The following ADAMTS10 variants were observed in gnomAD, a reference collection of about 807,000 sequenced individuals.
The protein encoded by ADAMTS10 is ADAM metallopeptidase with thrombospondin type 1 motif 10.
In ADAMTS10, 48 loss-of-function variants were observed where a neutral mutation model predicts 135.9. That is an observed-to-expected ratio of 0.35 (90% confidence interval 0.28 to 0.45). The LOEUF is 0.45. Ranked by LOEUF, ADAMTS10 falls within the 20% of genes least tolerant of loss-of-function variation. The pLI, the probability that ADAMTS10 is intolerant of heterozygous loss-of-function variation, is 1.00. For missense variants in ADAMTS10, 1,131 were observed against 1,565.2 expected (o/e 0.72, Z 4.68); for synonymous variants, 621 against 647.5 (o/e 0.96, Z 0.62).
At chr19:8,592,588 C>G (rs1274796268) in intron 13 of ADAMTS10, among the ~76,000 whole-genome samples, 175 bp downstream of exon 13, 3 of 148,956 alleles carry the variant, frequency 2.0e-5, no homozygotes, top group Non-Finnish European at 4.5e-5. Flanking sequence ...TGGGCGTGGC[C>G]AACGCGGGAA....
At chr19:8,586,756 T>C in intron 19 of ADAMTS10, 35 bp from the exon 20 acceptor site, 1 of 1,614,060 alleles carries the variant, frequency 6.2e-7, no homozygotes, top group Non-Finnish European at 8.5e-7. Flanking sequence ...ATTCTAGTCA[T>C]GCTGAAACCG....
At chr19:8,581,478 C>G (rs1168926619) in intron 25 of ADAMTS10, 1 of 153,046 alleles carries the variant, frequency 6.5e-6, no homozygotes, top group Non-Finnish European at 1.5e-5. Context: ...CTGCTTGAGC[C>G]CAGGAGTTTG....
intron 23 of ADAMTS10, 51 bp downstream of exon 23, chr19:8,585,405 G>C (rs1555736739): frequency 6.5e-7 from 1 of 1,537,066 alleles, no homozygotes; most frequent in Admixed American, 2.0e-5. Flanking sequence ...GCGTCTCCGT[G>C]GACACCCCAC....
intron 25 of ADAMTS10, chr19:8,581,495 G>A (rs1252007192): frequency 6.5e-6 from 1 of 152,790 alleles, no homozygotes; most frequent in African/African-American, 2.4e-5. Flanking sequence ...TTTGAGACCA[G>A]CCTGGGCAAC....
intron 25 of ADAMTS10, among the ~76,000 whole-genome samples, chr19:8,584,284 G>A (rs1304573947): frequency 6.6e-6 from 1 of 152,068 alleles, no homozygotes; most frequent in Non-Finnish European, 1.5e-5. Flanking sequence ...GGGACATTGG[G>A]CAATGTCTGG....
rs559032457 is a variant in ADAMTS10, at chr19:8,585,090, C to T, written c.3043-36G>A. ...GCACCACTCAGTTGCTGCCCCGCAG[C>T]CCCTGCCCTGGCCCCCACCCCTCTG... On this transcript the variant is annotated intron_variant, in intron 24 of 25. Coordinates refer to ENST00000597188, the MANE Select transcript of ADAMTS10 (RefSeq NM_030957.4). The T allele has an allele frequency of 9.4e-6, 14 of 1,496,474 alleles. No individual in the cohort carries two copies. In the Admixed American group the frequency reaches 2.4e-4, roughly 25 times the overall value. 92.7% of individuals were successfully genotyped at this position (1,496,474 alleles called of 1,614,324 possible).
intron 4 of ADAMTS10, 148 bp from the exon 5 acceptor site, chr19:8,604,032 T>G (rs2042694298): frequency 2.7e-6 from 2 of 747,338 alleles, no homozygotes; most frequent in Non-Finnish European, 4.0e-6. Flanking sequence ...GTAATTAGTG[T>G]CCATGCTATT....
intron 18 of ADAMTS10, 42 bp from the exon 19 acceptor site, chr19:8,586,938 C>T (rs2042441032): frequency 2.5e-6 from 4 of 1,596,950 alleles, no homozygotes; most frequent in South Asian, 1.1e-5. Flanking sequence ...GGCATGTCCC[C>T]AACACCTGCC....
intron 13 of ADAMTS10, among the ~76,000 whole-genome samples, chr19:8,592,534 A>C (rs926846413): frequency 1.4e-4 from 21 of 147,640 alleles, no homozygotes; most frequent in African/African-American, 4.1e-4. Flanking sequence ...CGCGGGAGGG[A>C]GTTAAACAGT....
chr19:8,598,794 C>T (rs901537483), intron 6 of ADAMTS10, among the ~76,000 whole-genome samples: 8 of 151,832 alleles, frequency 5.3e-5, no homozygotes, highest in Middle Eastern at 3.4e-3. Context: ...AGGCTTGTTT[C>T]GAACTCCCGA....
Position 8,601,362 on chromosome 19 carries a change from CTTTT to C in ADAMTS10, c.593-221_593-218del, listed in dbSNP as rs373213602. ...CAAACACCTCATCGTTTTTCTTATT[CTTTT>C]TTTTTTTTTTTTTGAGACGGAGTAT... is the stretch of plus-strand genomic sequence containing the variant. On this transcript the variant is annotated intron_variant, in intron 5 of 25. Transcript: ENST00000597188. The surrounding 1 kb of genome is among the most constrained non-coding windows in gnomAD (Gnocchi z 4.6). 7.3e-6 allele frequency among the ~76,000 whole-genome samples: 1 copy of C among 136,864 alleles called. No individual in the cohort carries two copies. 89.8% of individuals were successfully genotyped at this position (136,864 alleles called of 152,430 possible). A position where few individuals can be genotyped will look rare whatever the true frequency, so the allele number is the denominator to read the frequency against.
At chr19:8,591,554 G>T (rs2146062819) in intron 15 of ADAMTS10, among the ~76,000 whole-genome samples, 1 of 151,318 alleles carries the variant, frequency 6.6e-6, no homozygotes, top group Non-Finnish European at 1.5e-5. Context: ...CGATTCTCCT[G>T]CCTCAGCCTC....
chr19:8,600,647 C>T (rs542735092), intron 6 of ADAMTS10, among the ~76,000 whole-genome samples: 134 of 151,890 alleles, frequency 8.8e-4, no homozygotes, highest in Middle Eastern at 6.8e-3. Flanking sequence ...TACAGGCGCC[C>T]GCCACCACAC....
At chr19:8,590,824 G>A (rs2042514916) in intron 15 of ADAMTS10, among the ~76,000 whole-genome samples, 1 of 152,162 alleles carries the variant, frequency 6.6e-6, no homozygotes, top group African/African-American at 2.4e-5. Context: ...TCGAACTCCT[G>A]ACCTCAGGTG....
chr19:8,599,723 C>T (rs1364857193), intron 6 of ADAMTS10, among the ~76,000 whole-genome samples: 5 of 152,280 alleles, frequency 3.3e-5, no homozygotes, highest in Non-Finnish European at 7.4e-5. Context: ...GATCCTCCTG[C>T]CTCAGCTTCC....
Position 8,586,865 on chromosome 19 carries a change from G to A in ADAMTS10, c.2190C>T (p.Gly730=). Residue 730 remains glycine (G), a synonymous_variant, in exon 19 of 26, where the codon GGC becomes GGT. Coordinates refer to ENST00000597188, the MANE Select transcript of ADAMTS10 (RefSeq NM_030957.4). ...GATCCTGGATGAAGATGTGGACGGA[G>A]CCTTTGGGAATCCAGACGACATCCT... The part of the protein sequence containing the change: ...GYEDVVWIPK[G]SVHIFIQDLN... The A allele has an allele frequency of 6.2e-7, 1 of 1,614,196 alleles. No individual in the cohort carries two copies. The highest frequency in any genetic ancestry group is 8.5e-7 in the Non-Finnish European group (1 of 1,180,034).
chr19:8,592,327 G>A (rs1568398891), intron 13 of ADAMTS10: 2 of 866,862 alleles, frequency 2.3e-6, no homozygotes, highest in South Asian at 1.7e-5. Context: ...TGCTTAACGG[G>A]GAGGGGTGTA....
In ADAMTS10 at chr19:8,585,666, A is replaced by G. The variant is rs1555736884; in HGVS notation, c.2661-6T>C. Reference sequence around the variant, plus strand: ...ACCAGTTCCCTACAACCCAGCTGTAAGAGATGAAGGGGTCTGAGCAAGTAA... The same window carrying G: ...ACCAGTTCCCTACAACCCAGCTGTAGGAGATGAAGGGGTCTGAGCAAGTAA... On this transcript the variant is annotated splice_polypyrimidine_tract_variant and splice_region_variant and intron_variant, in intron 22 of 25. Coordinates refer to ENST00000597188, the MANE Select transcript of ADAMTS10 (RefSeq NM_030957.4). 1.2e-6 allele frequency: 2 copies of G among 1,612,192 alleles called. No homozygotes were observed. The highest frequency in any genetic ancestry group is 2.2e-5 in the South Asian group (2 of 90,988).
rs191613811 is a variant in ADAMTS10 at position 8,590,139 on chromosome 19, C to T, written c.1798-148G>A. The T allele has an allele frequency of 1.8e-4, 116 of 659,688 alleles. No individual in the cohort carries two copies. In the East Asian group the frequency reaches 2.8e-3, roughly 16 times the overall value. The allele number at this position is 659,688 out of a possible 1,614,324, so 40.9% of individuals were successfully genotyped here. On this transcript the variant is annotated intron_variant, in intron 15 of 25. Transcript: ENST00000597188. ...CTGTGGTGGTCTGCGTGAGACTAGGCCTGGAAGGTAGCCTGGGCTGGGCGT... is the reference window on the plus strand; with the variant it reads ...CTGTGGTGGTCTGCGTGAGACTAGGTCTGGAAGGTAGCCTGGGCTGGGCGT...
Sources: allele counts gnomAD v4.1 joint callset (sites outside exome capture counted in the v4.1 genomes callset), GRCh38; gene constraint gnomAD v4.1.1; non-coding constraint Gnocchi (gnomAD v3.1); transcripts MANE v1.5; gene names NCBI Gene and HGNC (gene_info 2026-07-23, HGNC 2026-07-21).